MACO1: variants seen among roughly 807,000 people sequenced by gnomAD.
The protein encoded by MACO1 is macoilin 1.
MACO1 carries 14 observed loss-of-function variants against 78.7 expected under a neutral mutation model. The ratio of observed to expected loss-of-function variants is 0.18; its 90% confidence interval spans 0.12 to 0.28. MACO1 has a LOEUF of 0.28. MACO1 is among the 10% of genes least tolerant of loss of function. The probability of loss-of-function intolerance (pLI) is 1.00; values close to 1 mark genes in which losing one functional copy is unlikely to be tolerated. For synonymous variants in MACO1, 288 were observed against 291.6 expected, an observed-to-expected ratio of 0.99 and a Z score of 0.12; for missense variants, 501 against 799.0, an observed-to-expected ratio of 0.63 and a Z score of 4.50.
At chr1:25,461,525 A>G (rs1490409272) in intron 6 of MACO1, among the ~76,000 whole-genome samples, 2 of 152,110 alleles carry the variant, frequency 1.3e-5, no homozygotes, top group African/African-American at 4.8e-5. Context: ...CTAATAGAAT[A>G]GTGCTGTTGT....
intron 10 of MACO1, among the ~76,000 whole-genome samples, chr1:25,494,639 C>T (rs1229760520): frequency 6.6e-6 from 1 of 152,106 alleles, no homozygotes; most frequent in African/African-American, 2.4e-5. Flanking sequence ...AGGAAGCTAC[C>T]ACTGTCCTCT....
rs1270906799 is a variant in MACO1, at chr1:25,440,389, A to T, written c.81-6373A>T. On this transcript the variant is annotated intron_variant, in intron 1 of 10. Transcript: ENST00000374343. The stretch of plus-strand genomic sequence containing the variant: ...TGCACTTCAGCCTGGGCAACAAAGG[A>T]AGACCCCAGTTCTGGGAAAAAAAAA... 4.0e-5 allele frequency among the ~76,000 whole-genome samples: 6 copies of T among 150,518 alleles called. No individual in the cohort carries two copies. The East Asian group carries it at 1.2e-3, about 29-fold the overall frequency.
At chr1:25,491,357 G>A in intron 9 of MACO1, 53 bp from the exon 10 acceptor site, 1 of 1,604,444 alleles carries the variant, frequency 6.2e-7, no homozygotes, top group Non-Finnish European at 8.5e-7. Context: ...CTAATTTATA[G>A]ACATCGATGC....
chr1:25,445,378 T>C (rs1266994638), intron 1 of MACO1, among the ~76,000 whole-genome samples: 1 of 152,036 alleles, frequency 6.6e-6, no homozygotes, highest in African/African-American at 2.4e-5. Flanking sequence ...AGAAACTTAT[T>C]ATCAAACCTA....
At chr1:25,460,253 GA>G (rs978665183) in intron 6 of MACO1, among the ~76,000 whole-genome samples, 1 of 152,112 alleles carries the variant, frequency 6.6e-6, no homozygotes, top group Non-Finnish European at 1.5e-5. Flanking sequence ...GTGCCCAGCA[GA>G]AAAAACACGT....
chr1:25,456,857 G>C, intron 5 of MACO1, 26 bp downstream of exon 5: 1 of 1,556,286 alleles, frequency 6.4e-7, no homozygotes, highest in Non-Finnish European at 8.6e-7. Flanking sequence ...AAAGCTGTTG[G>C]CTCAATAGGC....
chr1:25,477,425 C>T (rs1381692649), intron 6 of MACO1, among the ~76,000 whole-genome samples: 1 of 152,170 alleles, frequency 6.6e-6, no homozygotes, highest in Non-Finnish European at 1.5e-5. Context: ...TTTGAAGCCC[C>T]TTCTCCTACA....
intron 6 of MACO1, 78 bp downstream of exon 6, chr1:25,458,970 G>A: frequency 6.7e-7 from 1 of 1,496,732 alleles, no homozygotes. Flanking sequence ...ATATGGGCCT[G>A]TAGGGATTGT....
At chr1:25,464,772 T>G (rs1009269778) in intron 6 of MACO1, among the ~76,000 whole-genome samples, 2 of 151,586 alleles carry the variant, frequency 1.3e-5, no homozygotes, top group African/African-American at 2.4e-5. Context: ...TTCTCCTGTC[T>G]TAGCCTCCCA....
intron 1 of MACO1, among the ~76,000 whole-genome samples, chr1:25,445,574 C>G (rs1326464267): frequency 6.6e-6 from 1 of 150,504 alleles, no homozygotes; most frequent in Non-Finnish European, 1.5e-5. Flanking sequence ...CTTTTTTTCT[C>G]TTTTCTTTTT....
chr1:25,460,774 C>A (rs995447275), intron 6 of MACO1, among the ~76,000 whole-genome samples: 9 of 152,010 alleles, frequency 5.9e-5, no homozygotes, highest in Non-Finnish European at 1.2e-4. Context: ...GTCCAGTGCC[C>A]CCGTGCCTAC....
At chr1:25,472,726 G>A (rs575897105) in intron 6 of MACO1, among the ~76,000 whole-genome samples, 63 of 152,208 alleles carry the variant, frequency 4.1e-4, no homozygotes, top group Admixed American at 1.2e-3. Context: ...TCCCCTAGCT[G>A]CTTTCCCTAC....
intron 10 of MACO1, among the ~76,000 whole-genome samples, chr1:25,492,803 TC>T (rs1005542867): frequency 7.2e-5 from 11 of 152,128 alleles, no homozygotes; most frequent in African/African-American, 2.4e-4. Context: ...AATAGAGTAC[TC>T]TATAGAGTAC....
rs191993780 is a variant in MACO1 at position 25,448,964 on chromosome 1, G to A, written c.349+30G>A. On this transcript the variant is annotated intron_variant, in intron 3 of 10. Coordinates refer to ENST00000374343, the MANE Select transcript of MACO1 (RefSeq NM_018202.6). ...GTCTTAATGATTTCTTAGATGGATA[G>A]AAATCTTAGATTCAAATTTTTAAAT... is the stretch of plus-strand genomic sequence containing the variant. The A allele has an allele frequency of 1.3e-3, 1,859 of 1,399,782 alleles. 2 individuals carry two copies. The highest frequency in any genetic ancestry group is 1.6e-3 in the Non-Finnish European group (1,750 of 1,061,908). 86.7% of individuals were successfully genotyped at this position (1,399,782 alleles called of 1,614,324 possible). A position where few individuals can be genotyped will look rare whatever the true frequency, so the allele number is the denominator to read the frequency against.
intron 1 of MACO1, among the ~76,000 whole-genome samples, chr1:25,434,274 G>A (rs2042900571): frequency 6.6e-6 from 1 of 152,288 alleles, no homozygotes; most frequent in South Asian, 2.1e-4. Context: ...CTTACTAGGG[G>A]CTAAAGTTCG....
intron 6 of MACO1, among the ~76,000 whole-genome samples, chr1:25,470,265 C>G (rs2043255825): frequency 1.3e-5 from 2 of 152,166 alleles, no homozygotes; most frequent in African/African-American, 2.4e-5. Context: ...TTCTATCATT[C>G]TTTATCTCTT....
chr1:25,436,987 G>A (rs1260787549), intron 1 of MACO1, among the ~76,000 whole-genome samples: 1 of 152,088 alleles, frequency 6.6e-6, no homozygotes, highest in Non-Finnish European at 1.5e-5. Context: ...GATTAAAATG[G>A]TGTGACTACT....
chr1:25,450,036 A>G (rs193192441), intron 3 of MACO1, among the ~76,000 whole-genome samples: 5 of 152,222 alleles, frequency 3.3e-5, no homozygotes, highest in Admixed American at 6.5e-5. Context: ...ACACAACAAA[A>G]CAACACAAAA....
At chr1:25,431,267 T>C (rs1571941997) in intron 1 of MACO1, 89 bp downstream of exon 1, 1 of 988,152 alleles carries the variant, frequency 1.0e-6, no homozygotes, top group African/African-American at 1.8e-5. Context: ...TAACCCCGAG[T>C]AGGCCGCACG....
Sources: allele counts gnomAD v4.1 joint callset (sites outside exome capture counted in the v4.1 genomes callset), GRCh38; gene constraint gnomAD v4.1.1; transcripts MANE v1.5; gene names NCBI Gene and HGNC (gene_info 2026-07-23, HGNC 2026-07-21).